Variants in EXT2 observed in about 807,000 individuals in gnomAD.
The protein encoded by EXT2 is exostosin-2.
In EXT2, 53 loss-of-function variants were observed where a neutral mutation model predicts 81.6. That is an observed-to-expected ratio of 0.65 (90% CI 0.52 to 0.82). EXT2 has a LOEUF of 0.82. Among genes scored for constraint, EXT2 ranks in the 40% least tolerant of loss-of-function variants. The pLI is 0.00. For missense variants in EXT2, 774 were observed against 910.2 expected (o/e 0.85, Z 1.93); for synonymous variants, 320 against 340.0 (o/e 0.94, Z 0.65).
chr11:44,131,240 G>A (rs1954488388), intron 7 of EXT2, among the ~76,000 whole-genome samples: 1 of 152,056 alleles, frequency 6.6e-6, no homozygotes, highest in South Asian at 2.1e-4. Context: ...TTTTTCTTAG[G>A]GGATACATAC....
intron 8 of EXT2, among the ~76,000 whole-genome samples, chr11:44,190,315 G>A (rs548983760): frequency 6.6e-6 from 1 of 152,258 alleles, no homozygotes; most frequent in East Asian, 1.9e-4. Context: ...TTTTAGTCTG[G>A]TAATTCATAA....
At chr11:44,223,034 T>C (rs554375753) in intron 10 of EXT2, among the ~76,000 whole-genome samples, 4 of 152,324 alleles carry the variant, frequency 2.6e-5, no homozygotes, top group Non-Finnish European at 5.9e-5. Flanking sequence ...ATGTTCAGTA[T>C]CATTAACTAT....
chr11:44,120,463 A>G (rs1358732313), intron 4 of EXT2, among the ~76,000 whole-genome samples: 1 of 152,172 alleles, frequency 6.6e-6, no homozygotes, highest in African/African-American at 2.4e-5. Context: ...TTGTGGTGTT[A>G]ACTTTTATAT....
At chr11:44,113,366 G>A (rs11037869) in intron 3 of EXT2, among the ~76,000 whole-genome samples, 16,884 of 152,168 alleles carry the variant, frequency 0.11, 1,339 homozygotes, top group Non-Finnish European at 0.15. Flanking sequence ...TGATTTCGAT[G>A]GGTTTGGGGT....
At position 44,197,893 on chromosome 11, in the gene EXT2, C is replaced by T. The variant is rs1218000813; in HGVS notation, c.1370C>T (p.Thr457Ile). ...ATCCCACCACAGTCTCAAGGGTTCACCGCCATAGTCCTCACCTACGACCGA... is the reference window on the plus strand; with the variant it reads ...ATCCCACCACAGTCTCAAGGGTTCATCGCCATAGTCCTCACCTACGACCGA... ...PLIPPQSQGF[T>I]AIVLTYDRVE... Residue 457 changes from threonine to isoleucine, a missense_variant, in exon 9 of 14, where the codon ACC becomes ATC. Transcript: ENST00000533608. 6.2e-7 allele frequency: 1 copy of T among 1,613,998 alleles called. No individual in the cohort carries two copies. The highest frequency in any genetic ancestry group is 8.5e-7 in the Non-Finnish European group (1 of 1,179,980).
At chr11:44,235,402 C>T (rs1321100553) in intron 12 of EXT2, among the ~76,000 whole-genome samples, 10 of 151,624 alleles carry the variant, frequency 6.6e-5, no homozygotes, top group East Asian at 1.9e-4. Flanking sequence ...CCGCCATGTC[C>T]GGCTAATTTT....
intron 8 of EXT2, among the ~76,000 whole-genome samples, chr11:44,192,259 C>T (rs1425494820): frequency 6.6e-6 from 1 of 151,980 alleles, no homozygotes; most frequent in Non-Finnish European, 1.5e-5. Context: ...CAGACCTCCT[C>T]ATCTCCAGGT....
Position 44,244,063 on chromosome 11 carries a change from C to T in EXT2, c.2019-86C>T, listed in dbSNP as rs541042039. The stretch of plus-strand genomic sequence containing the variant: ...GTATTTTGCTGTTATCTCTCAACCT[C>T]TTGAACATACTATCTTTTCTCCCTG... On this transcript the variant is annotated intron_variant, in intron 13 of 13. Coordinates refer to ENST00000533608, the MANE Select transcript of EXT2 (RefSeq NM_207122.2). 5.3e-5 allele frequency: 67 copies of T among 1,264,268 alleles called. No homozygotes were observed. The African/African-American group carries it at 9.5e-4, about 18-fold the overall frequency. 78.3% of individuals were successfully genotyped at this position (1,264,268 alleles called of 1,614,324 possible). A position where few individuals can be genotyped will look rare whatever the true frequency, so the allele number is the denominator to read the frequency against.
chr11:44,152,452 G>A (rs1048798111), intron 7 of EXT2, among the ~76,000 whole-genome samples: 3 of 152,232 alleles, frequency 2.0e-5, no homozygotes, highest in Admixed American at 1.3e-4. Context: ...CTGGGTTCAA[G>A]CAGTTCTCAT....
chr11:44,212,563 A>G (rs1208839277), intron 10 of EXT2, among the ~76,000 whole-genome samples: 1 of 152,148 alleles, frequency 6.6e-6, no homozygotes, highest in Non-Finnish European at 1.5e-5. Flanking sequence ...AACTGGTACA[A>G]CCAATTTAGA....
chr11:44,197,601 C>A (rs865956027), intron 8 of EXT2, among the ~76,000 whole-genome samples: 1 of 152,118 alleles, frequency 6.6e-6, no homozygotes, highest in Admixed American at 6.5e-5. Flanking sequence ...AACTAGAATT[C>A]TTTTCTCAGC....
chr11:44,192,186 C>A (rs1216619138), intron 8 of EXT2, among the ~76,000 whole-genome samples: 1 of 152,100 alleles, frequency 6.6e-6, no homozygotes, highest in East Asian at 1.9e-4. Flanking sequence ...TTGCACATGC[C>A]GCTCAGCTTG....
chr11:44,231,363 C>A (rs1217747114), intron 10 of EXT2, among the ~76,000 whole-genome samples: 2 of 152,128 alleles, frequency 1.3e-5, no homozygotes, highest in African/African-American at 4.8e-5. Context: ...GAGAGAATGA[C>A]TTGTCTAGGG....
chr11:44,169,581 C>T (rs1313242456), intron 7 of EXT2, among the ~76,000 whole-genome samples: 1 of 152,072 alleles, frequency 6.6e-6, no homozygotes, highest in Non-Finnish European at 1.5e-5. Flanking sequence ...TCAGCCTTAT[C>T]AGTAATGTAA....
chr11:44,149,544 A>C (rs1954765401), intron 7 of EXT2, among the ~76,000 whole-genome samples: 1 of 152,244 alleles, frequency 6.6e-6, no homozygotes, highest in Non-Finnish European at 1.5e-5. Flanking sequence ...TTGGACCTTG[A>C]AAATAAAACC....
At chr11:44,111,818 CTGT>C (rs1954148084) in intron 3 of EXT2, among the ~76,000 whole-genome samples, 1 of 152,178 alleles carries the variant, frequency 6.6e-6, no homozygotes, top group Admixed American at 6.5e-5. Context: ...ATCCTTGCAT[CTGT>C]AAATATTGTG....
intron 7 of EXT2, among the ~76,000 whole-genome samples, chr11:44,162,062 T>C (rs1333320164): frequency 2.0e-5 from 3 of 152,162 alleles, no homozygotes; most frequent in Admixed American, 2.0e-4. Context: ...AAAAGGACTT[T>C]AGGAGAAAAC....
intron 7 of EXT2, among the ~76,000 whole-genome samples, chr11:44,165,597 C>A (rs1461097912): frequency 6.6e-6 from 1 of 152,066 alleles, no homozygotes; most frequent in Non-Finnish European, 1.5e-5. Context: ...GATTTCTTAC[C>A]AATTATTGTT....
At chr11:44,110,901 T>G (rs910431713) in intron 3 of EXT2, among the ~76,000 whole-genome samples, 4 of 152,232 alleles carry the variant, frequency 2.6e-5, no homozygotes, top group Admixed American at 2.6e-4. Context: ...TATCTTTGCA[T>G]GTGGGAAATT....
Sources: gnomAD v4.1 joint callset for allele counts (sites outside exome capture counted in the v4.1 genomes callset) on GRCh38, gnomAD v4.1.1 for gene constraint, MANE v1.5 for transcripts, NCBI Gene and HGNC (gene_info 2026-07-23, HGNC 2026-07-21) for gene names.